The following FANCC variants were observed in gnomAD, a reference collection of about 807,000 sequenced individuals.
The protein encoded by FANCC is Fanconi anemia group C protein.
In FANCC, 55 loss-of-function variants were observed where a neutral mutation model predicts 71.3. That is an observed-to-expected ratio of 0.77 (90% CI 0.62 to 0.97). The LOEUF is 0.97. Among genes scored for constraint, FANCC ranks in the 50% least tolerant of loss-of-function variants. The pLI, the probability that FANCC is intolerant of heterozygous loss-of-function variation, is 0.00. For synonymous variants in FANCC, 275 were observed against 244.9 expected, an observed-to-expected ratio of 1.12 and a Z score of -1.15; for missense variants, 678 against 670.9, an observed-to-expected ratio of 1.01 and a Z score of -0.12.
At chr9:95,252,471 G>A (rs2136120053) in intron 1 of FANCC, among the ~76,000 whole-genome samples, 1 of 152,124 alleles carries the variant, frequency 6.6e-6, no homozygotes, top group East Asian at 1.9e-4. Flanking sequence ...CCGGGGCTGG[G>A]CGCCGTGGCT....
intron 12 of FANCC, 40 bp from the exon 13 acceptor site, chr9:95,111,677 ATTC>A (rs762670235): frequency 1.1e-4 from 181 of 1,612,816 alleles, no homozygotes; most frequent in Middle Eastern, 1.6e-4. Context: ...GACAACCTAA[ATTC>A]TTCTTCCTTT....
intron 1 of FANCC, among the ~76,000 whole-genome samples, chr9:95,254,320 A>G (rs1245270104): frequency 3.3e-5 from 5 of 152,274 alleles, no homozygotes; most frequent in Non-Finnish European, 7.3e-5. Context: ...TCTGGTCTGC[A>G]GCTCCCAACA....
Position 95,247,539 on chromosome 9 carries a change from G to T in FANCC, c.166-23C>A, listed in dbSNP as rs1395403734. ...ATCCTGTGAAAGAAAAATAAATTTT[G>T]GTCAGTAAAGGCATTATGCAACTTA... On this transcript the variant is annotated intron_variant, in intron 2 of 14. Coordinates refer to ENST00000289081, the MANE Select transcript of FANCC (RefSeq NM_000136.3). 4.0e-6 allele frequency: 6 copies of T among 1,504,162 alleles called. No individual in the cohort carries two copies. The South Asian group carries it at 6.7e-5, about 17-fold the overall frequency. The allele number at this position is 1,504,162 out of a possible 1,614,324, so 93.2% of individuals were successfully genotyped here. A position where few individuals can be genotyped will look rare whatever the true frequency, so the allele number is the denominator to read the frequency against.
At chr9:95,307,401 C>A (rs1564845546) in intron 1 of FANCC, among the ~76,000 whole-genome samples, 1 of 152,056 alleles carries the variant, frequency 6.6e-6, no homozygotes, top group Non-Finnish European at 1.5e-5. Context: ...ACAAAAAGCT[C>A]TGATTTATAA....
intron 1 of FANCC, among the ~76,000 whole-genome samples, chr9:95,260,168 T>C (rs1220514215): frequency 6.6e-6 from 1 of 152,208 alleles, no homozygotes; most frequent in African/African-American, 2.4e-5. Context: ...AAATACCATT[T>C]GACCCAGCAA....
intron 1 of FANCC, among the ~76,000 whole-genome samples, chr9:95,284,899 CACACAA>C (rs1284196238): frequency 3.3e-5 from 5 of 151,474 alleles, no homozygotes; most frequent in African/African-American, 4.9e-5. Context: ...CACACACACA[CACACAA>C]ACATACGCAT....
At chr9:95,277,171 G>A (rs1056403558) in intron 1 of FANCC, among the ~76,000 whole-genome samples, 1 of 152,062 alleles carries the variant, frequency 6.6e-6, no homozygotes, top group Non-Finnish European at 1.5e-5. Flanking sequence ...TGTTAGTTCT[G>A]TTTAGAAATA....
intron 4 of FANCC, among the ~76,000 whole-genome samples, chr9:95,231,713 C>T (rs1830020944): frequency 6.6e-6 from 1 of 151,964 alleles, no homozygotes; most frequent in Non-Finnish European, 1.5e-5. Flanking sequence ...TCGTGATTAA[C>T]CTAAAGAGGA....
chr9:95,205,447 G>T (rs907577481), intron 4 of FANCC, among the ~76,000 whole-genome samples: 11 of 151,672 alleles, frequency 7.3e-5, no homozygotes, highest in Non-Finnish European at 1.6e-4. Flanking sequence ...ATAATTTAAA[G>T]CAACAAGACA....
chr9:95,111,197 C>G, intron 13 of FANCC: 1 of 1,536,164 alleles, frequency 6.5e-7, no homozygotes, highest in Non-Finnish European at 8.7e-7. Context: ...AATAACAGAT[C>G]AAATGACCTT....
intron 2 of FANCC, 31 bp from the exon 3 acceptor site, chr9:95,247,547 A>T (rs1831065959): frequency 1.4e-6 from 2 of 1,456,006 alleles, no homozygotes; most frequent in East Asian, 4.5e-5. Context: ...TTGGTCAGTA[A>T]AGGCATTATG....
chr9:95,129,366 A>G (rs1442949789), intron 8 of FANCC, among the ~76,000 whole-genome samples: 1 of 152,186 alleles, frequency 6.6e-6, no homozygotes, highest in Non-Finnish European at 1.5e-5. Context: ...TCTTATCAAG[A>G]TAATCTTCCA....
chr9:95,294,416 A>G, intron 1 of FANCC: 1 of 1,604,828 alleles, frequency 6.2e-7, no homozygotes. Context: ...GGAAATTCTA[A>G]CTTCTTAGGC....
At position 95,317,600 on chromosome 9, in the gene FANCC, C is replaced by T. The variant is rs1472651603; in HGVS notation, c.-153G>A. 1.3e-5 allele frequency: 2 copies of T among 152,246 alleles called. No homozygotes were observed. Among genetic ancestry groups the T allele is most frequent in the Non-Finnish European group, 2.9e-5 (2 of 68,042 alleles). The allele number at this position is 152,246 out of a possible 1,614,324, so 9.4% of individuals were successfully genotyped here. A position where few individuals can be genotyped will look rare whatever the true frequency, so the allele number is the denominator to read the frequency against. On this transcript the variant is annotated 5_prime_UTR_variant, in exon 1 of 15. Transcript: ENST00000289081. ...GGAAGCCACCGCCCGGGATCTGTGG[C>T]TTGAAAATTTGGCTTTGCCTCGTAT...
rs149534899 is a variant in FANCC, at chr9:95,216,571, G to A, written c.345+24078C>T. Among the ~76,000 whole-genome samples the A allele has an allele frequency of 4.0e-4, 61 of 152,322 alleles. No homozygotes were observed. The East Asian group carries it at 0.01, about 25-fold the overall frequency. On this transcript the variant is annotated intron_variant, in intron 4 of 14. Transcript: ENST00000289081. ...AGCCAACCCCTTTGGAAAAGAGACA[G>A]GGTCTCATTCAGAAGAAATGGGACA...
chr9:95,200,486 G>A (rs926782957), intron 4 of FANCC, among the ~76,000 whole-genome samples: 1 of 152,162 alleles, frequency 6.6e-6, no homozygotes, highest in Non-Finnish European at 1.5e-5. Flanking sequence ...AACTATCAAG[G>A]AGGTCTAAGC....
intron 4 of FANCC, among the ~76,000 whole-genome samples, chr9:95,237,524 G>T (rs564152909): frequency 6.6e-6 from 1 of 152,348 alleles, no homozygotes; most frequent in African/African-American, 2.4e-5. Flanking sequence ...CTCCACAGCT[G>T]CCCTGTCCAA....
intron 6 of FANCC, among the ~76,000 whole-genome samples, chr9:95,159,359 AACTCAT>A (rs1373950127): frequency 1.3e-5 from 2 of 152,228 alleles, no homozygotes; most frequent in African/African-American, 4.8e-5. Context: ...AAAGGACATG[AACTCAT>A]CCTTTTTTAT....
At chr9:95,213,924 A>T (rs1828678906) in intron 4 of FANCC, among the ~76,000 whole-genome samples, 1 of 152,228 alleles carries the variant, frequency 6.6e-6, no homozygotes, top group African/African-American at 2.4e-5. Context: ...TAATACCTGG[A>T]ATGTATAAAG....
Sources: allele counts gnomAD v4.1 joint callset (sites outside exome capture counted in the v4.1 genomes callset), GRCh38; gene constraint gnomAD v4.1.1; transcripts MANE v1.5; gene names NCBI Gene and HGNC (gene_info 2026-07-23, HGNC 2026-07-21).